The following RBFOX1 variants were observed in gnomAD, a reference collection of about 807,000 sequenced individuals.
RBFOX1 encodes RNA binding protein fox-1 homolog 1.
In RBFOX1, 8 loss-of-function variants were observed where a neutral mutation model predicts 57.7. The ratio of observed to expected loss-of-function variants is 0.14; its 90% CI spans 0.08 to 0.25. RBFOX1 has a LOEUF of 0.25. Ranked by LOEUF, RBFOX1 falls within the 10% of genes least tolerant of loss-of-function variation. The pLI, the probability that RBFOX1 is intolerant of heterozygous loss-of-function variation, is 1.00. For missense variants in RBFOX1, 611 were observed against 548.5 expected (o/e 1.11, Z -1.14); for synonymous variants, 326 against 222.4 (o/e 1.47, Z -4.15).
At chr16:5,605,246 A>G (rs1019071737) in intron 3 of RBFOX1, among the ~76,000 whole-genome samples, 1 of 152,188 alleles carries the variant, frequency 6.6e-6, no homozygotes, top group Non-Finnish European at 1.5e-5. Context: ...CCAACTCTCC[A>G]AGGACTTTGG....
chr16:7,524,868 T>C (rs1394461207), intron 5 of RBFOX1, among the ~76,000 whole-genome samples: 3 of 152,362 alleles, frequency 2.0e-5, no homozygotes, highest in South Asian at 4.1e-4. Context: ...CACTAAGGTA[T>C]AGGAAAAACT....
At chr16:7,144,331 G>A (rs1308866956) in intron 4 of RBFOX1, among the ~76,000 whole-genome samples, 2 of 151,386 alleles carry the variant, frequency 1.3e-5, no homozygotes, top group Non-Finnish European at 2.9e-5. Context: ...TCACTTTAGG[G>A]TTCACACTTT....
At chr16:5,915,522 A>T (rs1162074963) in intron 4 of RBFOX1, among the ~76,000 whole-genome samples, 2 of 152,142 alleles carry the variant, frequency 1.3e-5, no homozygotes, top group Non-Finnish European at 2.9e-5. Context: ...TACTTTTAGT[A>T]GGTAGTCAGA....
intron 5 of RBFOX1, among the ~76,000 whole-genome samples, chr16:7,543,384 T>G (rs1234424401): frequency 2.0e-5 from 3 of 152,198 alleles, no homozygotes; most frequent in Admixed American, 2.0e-4. Context: ...TTTACAGGCC[T>G]GGTAATGATC....
chr16:5,509,673 C>T (rs769474010), intron 2 of RBFOX1, among the ~76,000 whole-genome samples: 4 of 152,256 alleles, frequency 2.6e-5, no homozygotes, highest in East Asian at 1.9e-4. Flanking sequence ...TGGATTGGAG[C>T]GGCAAGAGCG....
intron 3 of RBFOX1, among the ~76,000 whole-genome samples, chr16:6,684,667 G>C (rs1280940910): frequency 6.6e-6 from 1 of 152,194 alleles, no homozygotes; most frequent in Non-Finnish European, 1.5e-5. Flanking sequence ...TGTCTTAGAA[G>C]TTGATCTGGA....
intron 1 of RBFOX1, among the ~76,000 whole-genome samples, chr16:5,401,657 A>G (rs368590031): frequency 2.0e-5 from 3 of 152,172 alleles, no homozygotes; most frequent in African/African-American, 7.2e-5. Flanking sequence ...ACATTTTTAC[A>G]TATTTAATCT....
intron 3 of RBFOX1, among the ~76,000 whole-genome samples, chr16:6,841,810 T>C (rs2093477437): frequency 6.6e-6 from 1 of 152,094 alleles, no homozygotes; most frequent in Admixed American, 6.5e-5. Flanking sequence ...ACTGTCTTCA[T>C]GTGAATGTTC....
At chr16:7,204,176 C>T (rs1366864463) in intron 4 of RBFOX1, among the ~76,000 whole-genome samples, 1 of 152,198 alleles carries the variant, frequency 6.6e-6, no homozygotes, top group East Asian at 1.9e-4. Context: ...TCAGAGTAAC[C>T]ATTCATTCCA....
intron 3 of RBFOX1, among the ~76,000 whole-genome samples, chr16:6,869,369 T>C (rs1565634): frequency 0.78 from 118,690 of 152,014 alleles, 47,373 homozygotes; most frequent in African/African-American, 0.94. Context: ...TAGTTGTAGG[T>C]AGAGAAAGAG....
chr16:7,154,389 C>G (rs1327039981), intron 4 of RBFOX1, among the ~76,000 whole-genome samples: 1 of 152,142 alleles, frequency 6.6e-6, no homozygotes, highest in Non-Finnish European at 1.5e-5. Context: ...ACACACATTT[C>G]ATGTGAATGT....
chr16:5,537,659 A>G (rs1252496897), intron 2 of RBFOX1, among the ~76,000 whole-genome samples: 3 of 152,320 alleles, frequency 2.0e-5, no homozygotes, highest in South Asian at 2.1e-4. Flanking sequence ...CTTGGCTAGT[A>G]ACCTCCTGCC....
rs1484558986 is a variant in RBFOX1 at position 6,779,553 on chromosome 16, ATGTTAG to A, written c.-16+124911_-16+124916del. On this transcript the variant is annotated intron_variant, in intron 3 of 15. Transcript: ENST00000550418. ...TACCCAACAGTGAGACTGCTAAATTATGTTAGTGTTAGTTTTAGTTTTTTGAAGAAC... is the reference window on the plus strand; with the variant it reads ...TACCCAACAGTGAGACTGCTAAATTATGTTAGTTTTAGTTTTTTGAAGAAC... 4.3e-4 allele frequency among the ~76,000 whole-genome samples: 64 copies of A among 149,840 alleles called. 1 individual carries two copies. The South Asian group carries it at 0.013, about 30-fold the overall frequency.
chr16:6,522,187 G>A (rs1355938019), intron 2 of RBFOX1, among the ~76,000 whole-genome samples: 3 of 151,638 alleles, frequency 2.0e-5, no homozygotes, highest in East Asian at 3.9e-4. Context: ...GTGTGTGTGT[G>A]TGTGTGTGTC....
At chr16:6,463,667 C>T (rs2094971633) in intron 2 of RBFOX1, among the ~76,000 whole-genome samples, 2 of 152,182 alleles carry the variant, frequency 1.3e-5, no homozygotes, top group South Asian at 2.1e-4. Flanking sequence ...GCACCGGTCT[C>T]GTTCACCATG....
intron 3 of RBFOX1, among the ~76,000 whole-genome samples, chr16:5,623,624 C>G (rs989750390): frequency 6.6e-6 from 1 of 151,346 alleles, no homozygotes; most frequent in African/African-American, 2.4e-5. Flanking sequence ...TCTTTTGTTC[C>G]CGCTACACTG....
Position 7,031,566 on chromosome 16 carries a change from A to G in RBFOX1, c.-15-20491A>G, listed in dbSNP as rs544832691. On this transcript the variant is annotated intron_variant, in intron 3 of 15. Transcript: ENST00000550418. ...AGCCAAGCCAAGATCATGCCACTGC[A>G]CTCCAGCCGAGGCAACAGAGTGAGA... 3.8e-4 allele frequency among the ~76,000 whole-genome samples: 58 copies of G among 151,552 alleles called. 1 individual carries two copies. Among genetic ancestry groups the G allele is most frequent in the Admixed American group, 1.4e-3 (22 of 15,184 alleles).
chr16:5,406,648 A>G (rs1260676899), intron 1 of RBFOX1, among the ~76,000 whole-genome samples: 1 of 152,138 alleles, frequency 6.6e-6, no homozygotes, highest in Non-Finnish European at 1.5e-5. Context: ...GTGTATATAT[A>G]TAAATATGTA....
At chr16:5,285,978 G>C (rs2063384402) in intron 1 of RBFOX1, among the ~76,000 whole-genome samples, 1 of 152,070 alleles carries the variant, frequency 6.6e-6, no homozygotes, top group African/African-American at 2.4e-5. Context: ...CACCATGTTG[G>C]CCGGGCTGGT....
Sources: gnomAD v4.1 joint callset for allele counts (sites outside exome capture counted in the v4.1 genomes callset) on GRCh38, gnomAD v4.1.1 for gene constraint, MANE v1.5 for transcripts, NCBI Gene and HGNC (gene_info 2026-07-23, HGNC 2026-07-21) for gene names.